The following HS3ST1 variants were observed in gnomAD, a reference collection of about 807,000 sequenced individuals.
HS3ST1 encodes heparan sulfate-glucosamine 3-sulfotransferase 1.
HS3ST1 carries 8 observed loss-of-function variants against 20.7 expected under a neutral mutation model. The observed-to-expected ratio is 0.39, with a 90% CI of 0.23 to 0.70. The LOEUF (loss-of-function observed/expected upper bound fraction) is 0.70. Among genes scored for constraint, HS3ST1 ranks in the 30% least tolerant of loss-of-function variants. The pLI, the probability that HS3ST1 is intolerant of heterozygous loss-of-function variation, is 0.46. For synonymous variants in HS3ST1, 205 were observed against 190.4 expected (o/e 1.08, Z -0.63); for missense variants, 436 against 423.4 (o/e 1.03, Z -0.26).
At chr4:11,431,025 C>T (rs1417938443), upstream of HS3ST1, among the ~76,000 whole-genome samples, 2 of 152,134 alleles carry the variant, frequency 1.3e-5, no homozygotes, top group Admixed American at 6.5e-5. Context: ...AGTTAGGTTT[C>T]TTATCCAGAA....
At chr4:11,405,809 A>G (rs1165314804) in intron 1 of HS3ST1, among the ~76,000 whole-genome samples, 1 of 152,180 alleles carries the variant, frequency 6.6e-6, no homozygotes, top group Non-Finnish European at 1.5e-5. Context: ...AAATATTTTC[A>G]TTTTCTCCTT....
chr4:11,406,918 G>T lies in HS3ST1; in HGVS notation c.-108-6805C>A, dbSNP rs540473005. Among the ~76,000 whole-genome samples the T allele has an allele frequency of 6.6e-5, 10 of 150,620 alleles. No individual in the cohort carries two copies. The South Asian group carries it at 2.1e-3, about 32-fold the overall frequency. ...AAAAGTATAAGATTATTTTTTCATT[G>T]TTAAGAACGAAACATGTCTTCACTT... On this transcript the variant is annotated intron_variant, in intron 1 of 1. Coordinates refer to ENST00000002596, the MANE Select transcript of HS3ST1 (RefSeq NM_005114.4).
intron 1 of HS3ST1, among the ~76,000 whole-genome samples, chr4:11,401,366 T>A (rs1718319405): frequency 2.1e-5 from 3 of 145,714 alleles, no homozygotes; most frequent in Admixed American, 1.4e-4. Context: ...TTTTTTTTTA[T>A]GGAGTTTTGC....
At chr4:11,432,709 C>T (rs778484272), upstream of HS3ST1, among the ~76,000 whole-genome samples, 1 of 152,184 alleles carries the variant, frequency 6.6e-6, no homozygotes, top group Non-Finnish European at 1.5e-5. Flanking sequence ...TCGAATAACT[C>T]CACTAATTTG....
intron 1 of HS3ST1, among the ~76,000 whole-genome samples, chr4:11,426,747 GAA>G (rs1719071511): frequency 1.3e-5 from 2 of 152,344 alleles, no homozygotes; most frequent in African/African-American, 4.8e-5. Context: ...AAACTCAGCT[GAA>G]AGAGTTAGAT....
intron 1 of HS3ST1, among the ~76,000 whole-genome samples, chr4:11,404,220 T>G (rs1193162679): frequency 6.6e-6 from 1 of 152,082 alleles, no homozygotes; most frequent in African/African-American, 2.4e-5. Context: ...AATTTTTGTA[T>G]TATAATTTTA....
At chr4:11,417,508 A>T (rs1368472003) in intron 1 of HS3ST1, among the ~76,000 whole-genome samples, 2 of 152,220 alleles carry the variant, frequency 1.3e-5, no homozygotes, top group Non-Finnish European at 2.9e-5. Context: ...GTTTAGAGAG[A>T]TTATTCACCT....
upstream of HS3ST1, among the ~76,000 whole-genome samples, chr4:11,430,966 G>T (rs949181266): frequency 1.3e-5 from 2 of 152,118 alleles, no homozygotes; most frequent in East Asian, 1.9e-4. Flanking sequence ...GTATGTCCAG[G>T]CATTTGCCAC....
chr4:11,399,528 C>G lies in HS3ST1; in HGVS notation c.478G>C (p.Val160Leu), dbSNP rs1718253175. 3 of 1,613,836 alleles carry G rather than the reference C, an allele frequency of 1.9e-6. No homozygotes were observed. Among genetic ancestry groups the G allele is most frequent in the African/African-American group, 2.7e-5 (2 of 74,918 alleles). Residue 160 changes from valine (V) to leucine (L), a missense_variant, in exon 2 of 2, where the codon GTG becomes CTG. By Grantham distance (32) the Val-to-Leu change is conservative (BLOSUM62 1). Transcript: ENST00000002596. The surrounding 1 kb of genome is among the most constrained non-coding windows in gnomAD (Gnocchi z 5.1). Reference protein sequence around the residue: ...SERVLSDYTQVFYNHMQKHKP... With the variant: ...SERVLSDYTQLFYNHMQKHKP... Reference sequence around the variant, plus strand: ...TGCTTCTGCATGTGGTTGTAGAACACTTGGGTGTAGTCAGATAGCACGCGC... The same window carrying G: ...TGCTTCTGCATGTGGTTGTAGAACAGTTGGGTGTAGTCAGATAGCACGCGC...
chr4:11,411,559 A>T (rs1339248250), intron 1 of HS3ST1, among the ~76,000 whole-genome samples: 4 of 152,190 alleles, frequency 2.6e-5, no homozygotes, highest in Admixed American at 2.6e-4. Flanking sequence ...TTTAAATGCC[A>T]TGTAATCTAT....
At chr4:11,421,898 C>T (rs963615739) in intron 1 of HS3ST1, among the ~76,000 whole-genome samples, 3 of 152,222 alleles carry the variant, frequency 2.0e-5, no homozygotes, top group African/African-American at 7.2e-5. Flanking sequence ...TTCTTCACTT[C>T]TGGACCTCAG....
chr4:11,422,869 G>A (rs1366070192), intron 1 of HS3ST1, among the ~76,000 whole-genome samples: 1 of 151,812 alleles, frequency 6.6e-6, no homozygotes, highest in African/African-American at 2.4e-5. Context: ...AAGCACAGAT[G>A]TAAACTGTTC....
intron 1 of HS3ST1, among the ~76,000 whole-genome samples, chr4:11,425,720 G>A (rs1375022060): frequency 1.3e-5 from 2 of 151,928 alleles, no homozygotes; most frequent in East Asian, 1.9e-4. Context: ...TTCTCCAATC[G>A]GCAAGATGCA....
chr4:11,430,763 G>T (rs996977625), upstream of HS3ST1, among the ~76,000 whole-genome samples: 1 of 152,218 alleles, frequency 6.6e-6, no homozygotes, highest in African/African-American at 2.4e-5. Context: ...CAGAGATTTT[G>T]TTGGAAGTTT....
intron 1 of HS3ST1, among the ~76,000 whole-genome samples, chr4:11,416,185 G>A (rs911092948): frequency 1.3e-5 from 2 of 152,134 alleles, no homozygotes; most frequent in East Asian, 3.9e-4. Context: ...CAGGCAATCC[G>A]AATGAAAAGA....
intron 1 of HS3ST1, among the ~76,000 whole-genome samples, chr4:11,424,857 C>CCA (rs1553858352): frequency 3.3e-5 from 1 of 30,002 alleles, no homozygotes; most frequent in African/African-American, 1.1e-4. Context: ...GGCCCATCTC[C>CCA]CACAAAAAAA....
chr4:11,405,573 T>C (rs1477619799), intron 1 of HS3ST1, among the ~76,000 whole-genome samples: 3 of 152,148 alleles, frequency 2.0e-5, no homozygotes, highest in African/African-American at 4.8e-5. Context: ...AATGAACTTG[T>C]CAAATGCAGT....
intron 1 of HS3ST1, among the ~76,000 whole-genome samples, chr4:11,408,833 G>T (rs1718539251): frequency 1.3e-5 from 2 of 152,232 alleles, no homozygotes; most frequent in Admixed American, 1.3e-4. Flanking sequence ...CCACAGTGGG[G>T]TGCATGGCTT....
chr4:11,408,343 TA>T (rs540809638), intron 1 of HS3ST1, among the ~76,000 whole-genome samples: 35 of 149,692 alleles, frequency 2.3e-4, no homozygotes, highest in Middle Eastern at 3.5e-3. Flanking sequence ...TTTTGTCCCT[TA>T]AAAAAAAAAT....
Sources: gnomAD v4.1 joint callset for allele counts (sites outside exome capture counted in the v4.1 genomes callset) on GRCh38, gnomAD v4.1.1 for gene constraint, Gnocchi (gnomAD v3.1) non-coding constraint, MANE v1.5 for transcripts, NCBI Gene and HGNC (gene_info 2026-07-23, HGNC 2026-07-21) for gene names.